The following CTSC variants were observed in gnomAD, a reference collection of about 807,000 sequenced individuals.
CTSC encodes dipeptidyl peptidase 1.
Under a neutral mutation model 40.9 loss-of-function variants are expected in CTSC, and 37 were observed. The observed-to-expected ratio is 0.91, with a 90% CI of 0.70 to 1.19. The LOEUF (loss-of-function observed/expected upper bound fraction) is 1.19, where lower values mean the gene tolerates loss of function less well. CTSC is among the 50% of genes most tolerant of loss of function. The probability of loss-of-function intolerance (pLI) is 0.00; values close to 1 mark genes in which losing one functional copy is unlikely to be tolerated. For synonymous variants in CTSC, 232 were observed against 207.4 expected (o/e 1.12, Z -1.02); for missense variants, 594 against 567.3 (o/e 1.05, Z -0.48).
At chr11:88,311,927 C>T (rs988111884) in intron 3 of CTSC, among the ~76,000 whole-genome samples, 5 of 152,212 alleles carry the variant, frequency 3.3e-5, no homozygotes, top group African/African-American at 1.2e-4. Flanking sequence ...TTAAGCCACC[C>T]AGTCTGTGGT....
chr11:88,299,574 G>C (rs1305324240), intron 5 of CTSC: 1 of 152,188 alleles, frequency 6.6e-6, no homozygotes. Flanking sequence ...AGTGAGATGG[G>C]AGCTTGGAGG....
intron 2 of CTSC, among the ~76,000 whole-genome samples, chr11:88,330,233 C>CAT (rs1238610736): frequency 6.6e-6 from 1 of 152,188 alleles, no homozygotes; most frequent in Non-Finnish European, 1.5e-5. Flanking sequence ...TATTAGTTTA[C>CAT]ATAAGGTTAT....
chr11:88,315,424 G>A (rs1471978033), intron 2 of CTSC, among the ~76,000 whole-genome samples: 3 of 152,144 alleles, frequency 2.0e-5, no homozygotes, highest in African/African-American at 4.8e-5. Context: ...TTATTCAAAG[G>A]AATAATGTGT....
chr11:88,329,319 T>C (rs1434952036), intron 2 of CTSC, among the ~76,000 whole-genome samples: 1 of 151,700 alleles, frequency 6.6e-6, no homozygotes. Flanking sequence ...CCATCTCTAC[T>C]AAAAATACAA....
At chr11:88,336,565 T>C (rs992817117) in intron 1 of CTSC, among the ~76,000 whole-genome samples, 8 of 150,664 alleles carry the variant, frequency 5.3e-5, no homozygotes, top group African/African-American at 2.0e-4. Flanking sequence ...AAAGTTACAA[T>C]GTTCAGGATT....
At chr11:88,329,422 CG>C (rs1279261599) in intron 2 of CTSC, among the ~76,000 whole-genome samples, 1 of 117,006 alleles carries the variant, frequency 8.5e-6, no homozygotes, top group African/African-American at 3.3e-5. Flanking sequence ...GTGGAAGGAG[CG>C]AGGGCCTGGG....
chr11:88,309,337 T>C lies in CTSC; in HGVS notation c.486-19A>G, dbSNP rs753026515. ...AGAATACCTGTCCCCAAAAATGAGA[T>C]AATTTCAGATATAGTCTTTACTGAT... On this transcript the variant is annotated intron_variant, in intron 3 of 6. Transcript: ENST00000227266. 9 of 1,594,246 alleles carry C rather than the reference T, an allele frequency of 5.6e-6. No homozygotes were observed. Among genetic ancestry groups the C allele is most frequent in the Non-Finnish European group, 7.7e-6 (9 of 1,162,132 alleles).
At position 88,294,202 on chromosome 11, in the gene CTSC, G is replaced by A. The variant is rs1462994843; in HGVS notation, c.1196C>T (p.Pro399Leu). 1.2e-6 allele frequency: 2 copies of A among 1,613,804 alleles called. No individual in the cohort carries two copies. Among genetic ancestry groups the A allele is most frequent in the Non-Finnish European group, 1.7e-6 (2 of 1,179,990 alleles). Residue 399 changes from proline (P) to leucine (L), a missense_variant, in exon 7 of 7, where the codon CCC becomes CTC. Pro to Leu is a moderately conservative substitution (Grantham distance 98, BLOSUM62 -3). Transcript: ENST00000227266. ...AACAGCATGATTAGTCAGCTCAAAG[G>A]GGTTGAAAGGGTCTCTTAGACCAGT... Reference protein sequence around the residue: ...HHTGLRDPFNPFELTNHAVLL... With the variant: ...HHTGLRDPFNLFELTNHAVLL...
At chr11:88,330,952 C>G (rs557389258) in intron 2 of CTSC, among the ~76,000 whole-genome samples, 1 of 152,218 alleles carries the variant, frequency 6.6e-6, no homozygotes, top group African/African-American at 2.4e-5. Context: ...AGTGGAATGC[C>G]GAGAATGGCA....
At chr11:88,304,106 T>A (rs750739426) in intron 4 of CTSC, among the ~76,000 whole-genome samples, 1 of 152,084 alleles carries the variant, frequency 6.6e-6, no homozygotes, top group African/African-American at 2.4e-5. Context: ...AAAAAGAAAT[T>A]TAAGTTTGGC....
chr11:88,317,623 G>A lies in CTSC; in HGVS notation c.319-5069C>T, dbSNP rs146267800. Among the ~76,000 whole-genome samples, 1,022 of 152,188 alleles carry A rather than the reference G, an allele frequency of 6.7e-3. 10 individuals are homozygous for A. Among genetic ancestry groups the A allele is most frequent in the African/African-American group, 0.023 (964 of 41,522 alleles). On this transcript the variant is annotated intron_variant, in intron 2 of 6. Coordinates refer to ENST00000227266, the MANE Select transcript of CTSC (RefSeq NM_001814.6). ...TGATTTTCTTGATTTGAATGTTTTC[G>A]GGGTATGTCATTTTTTCCTGTGAAA...
chr11:88,332,052 A>G (rs1269056219), intron 2 of CTSC, among the ~76,000 whole-genome samples: 2 of 152,230 alleles, frequency 1.3e-5, no homozygotes, highest in Non-Finnish European at 2.9e-5. Flanking sequence ...AAGCATATAT[A>G]AAGAGGATAA....
chr11:88,309,254 A>G lies in CTSC; in HGVS notation c.550T>C (p.Ser184Pro). The change falls in exon 4 of 7, where the codon TCT (serine) becomes CCT (proline). Residue 184 changes from serine to proline, a missense_variant. By Grantham distance (74) the Ser-to-Pro change is moderately conservative. Transcript: ENST00000227266. ...FVKAINAIQK[S>P]WTATTYMEYE... Reference sequence around the variant, plus strand: ...TCCATGTATGTAGTTGCAGTCCAAGACTTCTGAATGGCATTGATAGCTTTC... The same window carrying G: ...TCCATGTATGTAGTTGCAGTCCAAGGCTTCTGAATGGCATTGATAGCTTTC... The G allele has an allele frequency of 1.2e-6, 2 of 1,613,770 alleles. No individual in the cohort carries two copies. Among genetic ancestry groups the G allele is most frequent in the Non-Finnish European group, 1.7e-6 (2 of 1,179,662 alleles).
In CTSC at chr11:88,337,728, G is replaced by C; in HGVS notation, c.-56C>G. 2 of 1,543,542 alleles carry C rather than the reference G, an allele frequency of 1.3e-6. No homozygotes were observed. The highest frequency in any genetic ancestry group is 1.8e-6 in the Non-Finnish European group (2 of 1,142,348). On this transcript the variant is annotated 5_prime_UTR_variant, in exon 1 of 7. Transcript: ENST00000227266. ...ATTACCAGGAAGCCGAGCGCTGCGG[G>C]CTAGCGGTGAGTCCACCACGAGGCG... is the stretch of plus-strand genomic sequence containing the variant.
intron 2 of CTSC, chr11:88,324,374 G>A (rs1303910334): frequency 5.8e-5 from 57 of 982,882 alleles, no homozygotes; most frequent in Non-Finnish European, 6.5e-5. Context: ...TTTACATCCT[G>A]AAAGTCAGCT....
intron 2 of CTSC, chr11:88,325,326 T>TA (rs1226355362): frequency 3.0e-6 from 3 of 985,400 alleles, no homozygotes; most frequent in Non-Finnish European, 3.6e-6. Flanking sequence ...GGCAAGAAAG[T>TA]CAGTAGCCTA....
intron 2 of CTSC, chr11:88,324,118 A>T (rs1363132029): frequency 1.3e-5 from 2 of 152,096 alleles, no homozygotes. Flanking sequence ...ACAACCATCT[A>T]ATCTTTGACA....
chr11:88,308,361 TATAA>T (rs1937680924), intron 4 of CTSC, among the ~76,000 whole-genome samples: 1 of 152,212 alleles, frequency 6.6e-6, no homozygotes, highest in Non-Finnish European at 1.5e-5. Context: ...TTCCAGAGGT[TATAA>T]GACATGCAAC....
intron 2 of CTSC, chr11:88,325,562 A>G: frequency 1.0e-6 from 1 of 985,428 alleles, no homozygotes; most frequent in Non-Finnish European, 1.2e-6. Flanking sequence ...TTACAGTTAG[A>G]AACTCTGTGA....
Sources: gnomAD v4.1 joint callset for allele counts (sites outside exome capture counted in the v4.1 genomes callset) on GRCh38, gnomAD v4.1.1 for gene constraint, MANE v1.5 for transcripts, NCBI Gene and HGNC (gene_info 2026-07-23, HGNC 2026-07-21) for gene names.